Variants in GPA33 observed in about 807,000 individuals in gnomAD.
The protein encoded by GPA33 is cell surface A33 antigen.
Under a neutral mutation model 35.6 loss-of-function variants are expected in GPA33, and 27 were observed. The observed-to-expected ratio is 0.76, with a 90% CI of 0.56 to 1.04. The LOEUF is 1.04. Ranked by LOEUF, GPA33 falls within the 50% of genes least tolerant of loss-of-function variation. GPA33 has a pLI of 0.00. For synonymous variants in GPA33, 176 were observed against 164.0 expected (o/e 1.07, Z -0.56); for missense variants, 428 against 411.9 (o/e 1.04, Z -0.34).
intron 2 of GPA33, among the ~76,000 whole-genome samples, chr1:167,070,068 G>A (rs1163384263): frequency 1.3e-5 from 2 of 152,184 alleles, no homozygotes; most frequent in Non-Finnish European, 2.9e-5. Flanking sequence ...TAGGAGAGGT[G>A]ACAGTTGCCT....
intron 1 of GPA33, among the ~76,000 whole-genome samples, chr1:167,074,135 T>G (rs1193714147): frequency 6.6e-6 from 1 of 151,060 alleles, no homozygotes; most frequent in African/African-American, 2.4e-5. Context: ...GGAAAAAGAA[T>G]GTGGCCACAC....
At chr1:167,077,821 T>C (rs75124440) in intron 1 of GPA33, among the ~76,000 whole-genome samples, 1,858 of 152,346 alleles carry the variant, frequency 0.012, 46 homozygotes, top group African/African-American at 0.043. Context: ...ACAGGCACCA[T>C]ACAGGTATTT....
At chr1:167,089,098 C>G (rs768467808) in intron 1 of GPA33, among the ~76,000 whole-genome samples, 3 of 152,208 alleles carry the variant, frequency 2.0e-5, no homozygotes, top group Non-Finnish European at 2.9e-5. Context: ...CTTGAGCCAG[C>G]CTGAGAGAAT....
At chr1:167,081,359 T>C (rs1281830843) in intron 1 of GPA33, among the ~76,000 whole-genome samples, 4 of 152,110 alleles carry the variant, frequency 2.6e-5, no homozygotes, top group African/African-American at 7.2e-5. Context: ...CCAAGTACCA[T>C]GTGCTGGTGT....
intron 2 of GPA33, among the ~76,000 whole-genome samples, chr1:167,072,833 C>T (rs1488375646): frequency 6.6e-6 from 1 of 151,690 alleles, no homozygotes; most frequent in East Asian, 1.9e-4. Context: ...AAACATATAT[C>T]CATGCTCGTA....
intron 1 of GPA33, among the ~76,000 whole-genome samples, chr1:167,084,925 T>C (rs1285996940): frequency 1.3e-5 from 2 of 152,258 alleles, no homozygotes; most frequent in Non-Finnish European, 2.9e-5. Context: ...CTTTCATTCC[T>C]GAATGGACAG....
At chr1:167,080,904 G>A (rs887821278) in intron 1 of GPA33, among the ~76,000 whole-genome samples, 8 of 152,206 alleles carry the variant, frequency 5.3e-5, no homozygotes, top group Non-Finnish European at 1.2e-4. Context: ...GGATGGGTAG[G>A]ATTTAAAACC....
chr1:167,082,451 G>T (rs1020986163), intron 1 of GPA33: 2 of 380,362 alleles, frequency 5.3e-6, no homozygotes, highest in South Asian at 2.0e-5. Context: ...GGGCACAGAG[G>T]ATCCTGAGCA....
intron 1 of GPA33, among the ~76,000 whole-genome samples, chr1:167,076,584 G>GTA (rs1666827252): frequency 6.6e-6 from 1 of 152,206 alleles, no homozygotes; most frequent in South Asian, 2.1e-4. Flanking sequence ...TCATTAAGCA[G>GTA]TATTTCATAA....
intron 4 of GPA33, among the ~76,000 whole-genome samples, chr1:167,061,104 C>A (rs1010978352): frequency 6.6e-6 from 1 of 152,210 alleles, no homozygotes; most frequent in African/African-American, 2.4e-5. Context: ...ACCTAAGGCA[C>A]AAAGAAGCTG....
At chr1:167,073,015 G>GA (rs533752715) in intron 2 of GPA33, among the ~76,000 whole-genome samples, 2,521 of 127,600 alleles carry the variant, frequency 0.02, 27 homozygotes, top group Middle Eastern at 0.027. Context: ...AATAGAAATA[G>GA]AAAAAAAAAA....
chr1:167,083,345 G>A (rs1230362732), intron 1 of GPA33, among the ~76,000 whole-genome samples: 2 of 152,174 alleles, frequency 1.3e-5, no homozygotes, highest in East Asian at 1.9e-4. Context: ...GACAAGCAGG[G>A]GCAGCCTGGA....
chr1:167,079,484 C>CA (rs59745946), intron 1 of GPA33, among the ~76,000 whole-genome samples: 975 of 74,994 alleles, frequency 0.013, 5 homozygotes, highest in Non-Finnish European at 0.019. Flanking sequence ...ACTCCGTCTC[C>CA]AAAAAAAAAA....
intron 1 of GPA33, among the ~76,000 whole-genome samples, chr1:167,089,002 C>T (rs771749687): frequency 6.6e-6 from 1 of 152,134 alleles, no homozygotes; most frequent in Non-Finnish European, 1.5e-5. Flanking sequence ...ACTATGTGCT[C>T]AGTAAAGAGT....
At chr1:167,056,661 C>CATGT (rs1480028343) in intron 4 of GPA33, among the ~76,000 whole-genome samples, 1 of 1,614 alleles carries the variant, frequency 6.2e-4, no homozygotes, top group East Asian at 0.018. Context: ...GTGTGTGGTA[C>CATGT]GGTGAGTGTG....
At chr1:167,062,265 G>A (rs772905858) in intron 4 of GPA33, among the ~76,000 whole-genome samples, 20 of 151,414 alleles carry the variant, frequency 1.3e-4, no homozygotes, top group Non-Finnish European at 2.7e-4. Flanking sequence ...ACCAAGGCTG[G>A]AGTGCAGTGG....
chr1:167,056,702 T>C, intron 4 of GPA33, among the ~76,000 whole-genome samples: 1 of 2,106 alleles, frequency 4.7e-4, no homozygotes, highest in East Asian at 0.012. Flanking sequence ...GGGTGTGTGG[T>C]GTGTGTAGTG....
intron 1 of GPA33, among the ~76,000 whole-genome samples, chr1:167,078,948 A>T (rs1666875045): frequency 6.6e-6 from 1 of 152,198 alleles, no homozygotes; most frequent in African/African-American, 2.4e-5. Flanking sequence ...TATATTTTTC[A>T]TATTGAGCCA....
At chr1:167,061,628 C>T (rs1208783209) in intron 4 of GPA33, among the ~76,000 whole-genome samples, 2 of 122,032 alleles carry the variant, frequency 1.6e-5, no homozygotes, top group Admixed American at 1.1e-4. Context: ...CGGAGTCTCG[C>T]TCTGTTGCCC....
Sources: allele counts gnomAD v4.1 joint callset (sites outside exome capture counted in the v4.1 genomes callset), GRCh38; gene constraint gnomAD v4.1.1; transcripts MANE v1.5; gene names NCBI Gene and HGNC (gene_info 2026-07-23, HGNC 2026-07-21).